The following CAMKK1 variants were observed in gnomAD, a reference collection of about 807,000 sequenced individuals.
CAMKK1 encodes the protein calcium/calmodulin dependent protein kinase kinase 1, also known as calcium/calmodulin-dependent protein kinase kinase 1.
CAMKK1 carries 20 observed loss-of-function variants against 63.5 expected under a neutral mutation model. That is an observed-to-expected ratio of 0.32 (90% confidence interval 0.22 to 0.46). The LOEUF is 0.46. CAMKK1 is among the 20% of genes least tolerant of loss of function. CAMKK1 has a pLI of 1.00. For missense variants in CAMKK1, 588 were observed against 658.1 expected (o/e 0.89, Z 1.17); for synonymous variants, 253 against 269.0 (o/e 0.94, Z 0.58).
chr17:3,883,573 T>C lies in CAMKK1; in HGVS notation c.463-93A>G. On this transcript the variant is annotated intron_variant, in intron 4 of 15. Transcript: ENST00000348335. The surrounding 1 kb of genome is among the most constrained non-coding windows in gnomAD (Gnocchi z 4.7). Reference sequence around the variant, plus strand: ...TGGACTGAGGTCCGGAGAGGCACACTGGACATCTGCTACTGGCCCTGAGGG... The same window carrying C: ...TGGACTGAGGTCCGGAGAGGCACACCGGACATCTGCTACTGGCCCTGAGGG... 9.7e-7 allele frequency: 1 copy of C among 1,030,292 alleles called. No individual in the cohort carries two copies. The highest frequency in any genetic ancestry group is 1.6e-5 in the African/African-American group (1 of 63,752). 63.8% of individuals were successfully genotyped at this position (1,030,292 alleles called of 1,614,324 possible).
chr17:3,883,085 A>G lies in CAMKK1; in HGVS notation c.605T>C (p.Ile202Thr), dbSNP rs1267046230. The change falls in exon 6 of 16, where the codon ATC (isoleucine) becomes ACC (threonine). Residue 202 changes from isoleucine to threonine, a missense_variant. By Grantham distance (89) the Ile-to-Thr change is moderately conservative. Around this residue, in one of 3 missense-constraint regions of CAMKK1, gnomAD observed 357 missense variants for 407.4 expected, o/e 0.88. Transcript: ENST00000348335. This position sits in a 1 kb window ranked among gnomAD's most constrained non-coding sequence, Gnocchi z 4.7. ...PLERVYQEIA[I>T]LKKLDHVNVV... ...ATTCACGTGGTCCAGCTTCTTCAGG[A>G]TGGCAATCTCCTGGTACACCCGCTC... 6.2e-7 allele frequency: 1 copy of G among 1,613,772 alleles called. No homozygotes were observed. Among genetic ancestry groups the G allele is most frequent in the Admixed American group, 1.7e-5 (1 of 60,012 alleles).
At position 3,889,762 on chromosome 17, in the gene CAMKK1, G is replaced by A. The variant is rs377019732; in HGVS notation, c.-44+3177C>T. On this transcript the variant is annotated intron_variant, in intron 1 of 15. Coordinates refer to ENST00000348335, the MANE Select transcript of CAMKK1 (RefSeq NM_032294.3). This position sits in a 1 kb window ranked among gnomAD's most constrained non-coding sequence, Gnocchi z 5.2. Reference sequence around the variant, plus strand: ...CCAGGCTGTGCCCCACCCCCCAAGCGTCTGGCCACTCCCAAGGAATGTGGG... The same window carrying A: ...CCAGGCTGTGCCCCACCCCCCAAGCATCTGGCCACTCCCAAGGAATGTGGG... Among the ~76,000 whole-genome samples, 13 of 151,858 alleles carry A rather than the reference G, an allele frequency of 8.6e-5. No homozygotes were observed. Among genetic ancestry groups the A allele is most frequent in the East Asian group, 7.8e-4 (4 of 5,144 alleles).
intron 10 of CAMKK1, 57 bp downstream of exon 10, chr17:3,876,166 G>A (rs1416624998): frequency 7.9e-6 from 12 of 1,526,080 alleles, no homozygotes; most frequent in South Asian, 2.4e-5. Flanking sequence ...GGGCCACTGC[G>A]GCAAGCTATT....
chr17:3,867,144 A>C (rs1272545888), intron 14 of CAMKK1, among the ~76,000 whole-genome samples: 1 of 152,250 alleles, frequency 6.6e-6, no homozygotes, highest in African/African-American at 2.4e-5. Flanking sequence ...TGAGGTGTGA[A>C]GCAGGGGAGG....
intron 10 of CAMKK1, 48 bp downstream of exon 10, chr17:3,876,175 T>C (rs1252566224): frequency 3.8e-6 from 6 of 1,567,920 alleles, no homozygotes; most frequent in Non-Finnish European, 3.5e-6. Flanking sequence ...CGGCAAGCTA[T>C]TACGCCCCCC....
At position 3,892,399 on chromosome 17, in the gene CAMKK1, G is replaced by A. The variant is rs552400379; in HGVS notation, c.-44+540C>T. Among the ~76,000 whole-genome samples, 1 of 151,912 alleles carries A rather than the reference G, an allele frequency of 6.6e-6. No individual in the cohort carries two copies. The highest frequency in any genetic ancestry group is 1.5e-5 in the Non-Finnish European group (1 of 67,956). ...CCCAGCCACCAGCCCTGCGCCTCCC[G>A]GGCCCCGAAGCCGCAGCGCCCGCCT... On this transcript the variant is annotated intron_variant, in intron 1 of 15. Transcript: ENST00000348335. The surrounding 1 kb of genome is among the most constrained non-coding windows in gnomAD (Gnocchi z 7.5).
At chr17:3,865,732 C>G (rs968760730) in intron 15 of CAMKK1, 176 bp downstream of exon 15, 2 of 1,439,016 alleles carry the variant, frequency 1.4e-6, no homozygotes, top group Non-Finnish European at 1.8e-6. Flanking sequence ...CAAAAGGTCC[C>G]TTCTAGCCCC....
At chr17:3,871,333 G>GTTTTT (rs71155812) in intron 12 of CAMKK1, among the ~76,000 whole-genome samples, 4 of 111,004 alleles carry the variant, frequency 3.6e-5, no homozygotes, top group Non-Finnish European at 3.7e-5. Flanking sequence ...GTTGTTTTTT[G>GTTTTT]TTTTTTTTTT....
rs772463276 is a variant in CAMKK1 at position 3,882,322 on chromosome 17, G to C, written c.685+206C>G. On this transcript the variant is annotated intron_variant, in intron 7 of 15. Coordinates refer to ENST00000348335, the MANE Select transcript of CAMKK1 (RefSeq NM_032294.3). This position sits in a 1 kb window ranked among gnomAD's most constrained non-coding sequence, Gnocchi z 4.3. ...AGAGGGAAGCAGGGAGTGGGGCTTG[G>C]CGATATTTGTTGAATCTAACTGGAT... 1.2e-6 allele frequency: 2 copies of C among 1,613,692 alleles called. No homozygotes were observed. Among genetic ancestry groups the C allele is most frequent in the African/African-American group, 2.7e-5 (2 of 74,814 alleles).
intron 10 of CAMKK1, 39 bp downstream of exon 10, chr17:3,876,184 C>G (rs754950220): frequency 1.3e-6 from 2 of 1,587,942 alleles, no homozygotes; most frequent in South Asian, 1.1e-5. Context: ...ATTACGCCCC[C>G]CACTTGAACC....
chr17:3,885,782 C>T (rs1460410369), intron 1 of CAMKK1, 52 bp from the exon 2 acceptor site: 4 of 1,552,348 alleles, frequency 2.6e-6, no homozygotes, highest in Non-Finnish European at 2.6e-6. Flanking sequence ...GGCTGGCTAC[C>T]AGGTAAGGTA....
rs894785098 is a variant in CAMKK1 at position 3,890,905 on chromosome 17, T to C, written c.-44+2034A>G. 6.6e-6 allele frequency among the ~76,000 whole-genome samples: 1 copy of C among 152,172 alleles called. No individual in the cohort carries two copies. Among genetic ancestry groups the C allele is most frequent in the Non-Finnish European group, 1.5e-5 (1 of 68,034 alleles). On this transcript the variant is annotated intron_variant, in intron 1 of 15. Transcript: ENST00000348335. This position sits in a 1 kb window ranked among gnomAD's most constrained non-coding sequence, Gnocchi z 6.5. Reference sequence around the variant, plus strand: ...TCAAACCCCTTAGAAGTCCAGATTCTACCCACTGCTTCGTTTCCCACTATG... The same window carrying C: ...TCAAACCCCTTAGAAGTCCAGATTCCACCCACTGCTTCGTTTCCCACTATG...
In CAMKK1 at chr17:3,883,631, G is replaced by A. The variant is rs531397715; in HGVS notation, c.463-151C>T. 8.9e-6 allele frequency: 7 copies of A among 788,658 alleles called. No individual in the cohort carries two copies. In the East Asian group the frequency reaches 1.7e-4, roughly 19 times the overall value. The allele number at this position is 788,658 out of a possible 1,614,324, so 48.9% of individuals were successfully genotyped here. A position where few individuals can be genotyped will look rare whatever the true frequency, so the allele number is the denominator to read the frequency against. On this transcript the variant is annotated intron_variant, in intron 4 of 15. Coordinates refer to ENST00000348335, the MANE Select transcript of CAMKK1 (RefSeq NM_032294.3). This position sits in a 1 kb window ranked among gnomAD's most constrained non-coding sequence, Gnocchi z 4.7. ...CAGGTAAGTGTTAAGCGGGGTTGGG[G>A]GTGGCCATATCTGAGCCTAGCCCTT...
intron 14 of CAMKK1, among the ~76,000 whole-genome samples, chr17:3,868,636 G>A (rs2054681853): frequency 6.6e-6 from 1 of 152,074 alleles, no homozygotes; most frequent in African/African-American, 2.4e-5. Context: ...TGCTGCCGCT[G>A]AGCAAGGGCC....
In CAMKK1 at chr17:3,882,707, T is replaced by C; in HGVS notation, c.649-143A>G. The C allele has an allele frequency of 1.2e-6, 1 of 819,306 alleles. No individual in the cohort carries two copies. The highest frequency in any genetic ancestry group is 1.7e-5 in the South Asian group (1 of 59,486). 50.8% of individuals were successfully genotyped at this position (819,306 alleles called of 1,614,324 possible). The stretch of plus-strand genomic sequence containing the variant: ...AAGGAAGCAGGAAGTGTACAGGTGG[T>C]GCCAGACTGATGGGGCCTCAGAAGT... On this transcript the variant is annotated intron_variant, in intron 6 of 15. Coordinates refer to ENST00000348335, the MANE Select transcript of CAMKK1 (RefSeq NM_032294.3). This position sits in a 1 kb window ranked among gnomAD's most constrained non-coding sequence, Gnocchi z 4.3.
intron 11 of CAMKK1, 54 bp downstream of exon 11, chr17:3,873,355 C>T (rs549606180): frequency 6.5e-7 from 1 of 1,542,816 alleles, no homozygotes; most frequent in Non-Finnish European, 9.0e-7. Flanking sequence ...CATCCGTCGC[C>T]CGTGCCCGCC....
At chr17:3,873,495 C>G (rs528392043) in intron 10 of CAMKK1, 33 bp from the exon 11 acceptor site, 1 of 1,611,460 alleles carries the variant, frequency 6.2e-7, no homozygotes, top group African/African-American at 1.3e-5. Flanking sequence ...CAGTCCCCAA[C>G]AGGCACAGCC....
At chr17:3,865,751 T>C in intron 15 of CAMKK1, 157 bp downstream of exon 15, 3 of 1,449,688 alleles carry the variant, frequency 2.1e-6, no homozygotes, top group Non-Finnish European at 9.1e-7. Flanking sequence ...CCGACTAACC[T>C]TGGGGACAGA....
rs2055564835 is a variant in CAMKK1, at chr17:3,884,626, T to A, written c.361-199A>T. 6.6e-6 allele frequency among the ~76,000 whole-genome samples: 1 copy of A among 152,198 alleles called. No individual in the cohort carries two copies. The highest frequency in any genetic ancestry group is 2.4e-5 in the African/African-American group (1 of 41,432). Reference sequence around the variant, plus strand: ...GTGACGAGAAGACGTGGCTCATGTTTGAAAACATGGATGGTGACGCCATGG... The same window carrying A: ...GTGACGAGAAGACGTGGCTCATGTTAGAAAACATGGATGGTGACGCCATGG... On this transcript the variant is annotated intron_variant, in intron 2 of 15. Coordinates refer to ENST00000348335, the MANE Select transcript of CAMKK1 (RefSeq NM_032294.3). The surrounding 1 kb of genome is among the most constrained non-coding windows in gnomAD (Gnocchi z 4.5).
Sources: allele counts gnomAD v4.1 joint callset (sites outside exome capture counted in the v4.1 genomes callset), GRCh38; gene constraint gnomAD v4.1.1; regional missense constraint gnomAD v4.1.1; non-coding constraint Gnocchi (gnomAD v3.1); transcripts MANE v1.5; gene names NCBI Gene and HGNC (gene_info 2026-07-23, HGNC 2026-07-21).